Variants in CCDC81 observed in about 807,000 individuals in gnomAD.
CCDC81 encodes coiled-coil domain containing 81.
Under a neutral mutation model 83.7 loss-of-function variants are expected in CCDC81, and 79 were observed. The observed-to-expected ratio is 0.94, with a 90% CI of 0.79 to 1.14. The LOEUF (loss-of-function observed/expected upper bound fraction) is 1.14, where lower values mean the gene tolerates loss of function less well. Among genes scored for constraint, CCDC81 ranks in the 50% most tolerant of loss-of-function variants. The pLI is 0.00. For missense variants in CCDC81, 791 were observed against 778.1 expected (o/e 1.02, Z -0.20); for synonymous variants, 252 against 278.1 (o/e 0.91, Z 0.93).
At position 86,374,945 on chromosome 11, in the gene CCDC81, A is replaced by C. The variant is rs1393961194; in HGVS notation, c.-219A>C. ...GCTGTGGGAGCTGCCCGAGAGCCAGAGCAGTGGGGAGGGACGGCGAGAACC... is the reference window on the plus strand; with the variant it reads ...GCTGTGGGAGCTGCCCGAGAGCCAGCGCAGTGGGGAGGGACGGCGAGAACC... On this transcript the variant is annotated 5_prime_UTR_variant, in exon 1 of 15. Coordinates refer to ENST00000445632, the MANE Select transcript of CCDC81 (RefSeq NM_001156474.2). 3 of 519,190 alleles carry C rather than the reference A, an allele frequency of 5.8e-6. No individual in the cohort carries two copies. The East Asian group carries it at 1.1e-4, about 19-fold the overall frequency. 32.2% of individuals were successfully genotyped at this position (519,190 alleles called of 1,614,324 possible). A position where few individuals can be genotyped will look rare whatever the true frequency, so the allele number is the denominator to read the frequency against.
rs149594464 is a variant in CCDC81, at chr11:86,381,467, C to T, written c.80-4584C>T. ...AACCTTAAAATATGTGGGGACCCTC[C>T]CTCCATGACTGGGTTCCCCTGGAGG... is the stretch of plus-strand genomic sequence containing the variant. On this transcript the variant is annotated intron_variant, in intron 1 of 14. Transcript: ENST00000445632. Among the ~76,000 whole-genome samples, 811 of 152,222 alleles carry T rather than the reference C, an allele frequency of 5.3e-3. 12 individuals carry two copies. The highest frequency in any genetic ancestry group is 0.017 in the Middle Eastern group (5 of 294).
intron 13 of CCDC81, 183 bp from the exon 14 acceptor site, chr11:86,419,745 C>A: frequency 2.1e-6 from 1 of 473,416 alleles, no homozygotes. Flanking sequence ...ACCTTTGATC[C>A]ATAAATTATT....
In CCDC81 at chr11:86,387,530, A is replaced by C. The variant is rs1948259972; in HGVS notation, c.156A>C (p.Pro52=). ...TTTCCTTTCAGGGGGTTCAGATTCCAGCATTTGGAACTTTCACTTTCATAA... is the reference window on the plus strand; with the variant it reads ...TTTCCTTTCAGGGGGTTCAGATTCCCGCATTTGGAACTTTCACTTTCATAA... ...QLTLHKGVQI[P]AFGTFTFIRQ... Residue 52 remains proline, a synonymous_variant, in exon 3 of 15, where the codon CCA becomes CCC. Coordinates refer to ENST00000445632, the MANE Select transcript of CCDC81 (RefSeq NM_001156474.2). 5 of 1,613,984 alleles carry C rather than the reference A, an allele frequency of 3.1e-6. No homozygotes were observed. In the East Asian group the frequency reaches 1.1e-4, roughly 36 times the overall value.
At chr11:86,405,194 A>G (rs1055395530) in intron 7 of CCDC81, among the ~76,000 whole-genome samples, 13 of 152,306 alleles carry the variant, frequency 8.5e-5, no homozygotes, top group African/African-American at 3.1e-4. Context: ...GCAATATTAA[A>G]TTCTACATGT....
intron 2 of CCDC81, among the ~76,000 whole-genome samples, chr11:86,386,397 A>G (rs554760712): frequency 2.6e-5 from 4 of 152,174 alleles, no homozygotes; most frequent in South Asian, 4.1e-4. Context: ...GGGTGTGTGT[A>G]AGGAAACTAG....
At chr11:86,384,865 T>C (rs965793865) in intron 1 of CCDC81, among the ~76,000 whole-genome samples, 8 of 152,242 alleles carry the variant, frequency 5.3e-5, no homozygotes, top group African/African-American at 1.9e-4. Context: ...GATATAATTT[T>C]CTAGACTTTG....
chr11:86,403,707 C>T (rs1394238354), intron 7 of CCDC81, among the ~76,000 whole-genome samples: 1 of 152,182 alleles, frequency 6.6e-6, no homozygotes, highest in African/African-American at 2.4e-5. Flanking sequence ...GCTCTATTTC[C>T]TCACTTCCAC....
rs1240177257 is a variant in CCDC81 at position 86,419,931 on chromosome 11, C to T, written c.1695C>T (p.His565=). 2 of 1,611,430 alleles carry T rather than the reference C, an allele frequency of 1.2e-6. No individual in the cohort carries two copies. Among genetic ancestry groups the T allele is most frequent in the Non-Finnish European group, 8.5e-7 (1 of 1,178,956 alleles). ...CAGGCTGTTCTTTTCTCTCCAGGCA[C>T]TTGGCAGACAGAACCGCTGAGCTGG... ...LQMLQRTQRE[H]LADRTAELER... The change falls in exon 14 of 15, where the codon CAC becomes CAT. Residue 565 remains histidine, a synonymous_variant. Transcript: ENST00000445632.
At chr11:86,417,166 C>G (rs1178759124) in intron 13 of CCDC81, among the ~76,000 whole-genome samples, 2 of 149,638 alleles carry the variant, frequency 1.3e-5, no homozygotes, top group African/African-American at 4.9e-5. Flanking sequence ...ATGCTTGAAC[C>G]TGGGAGGCAG....
intron 1 of CCDC81, among the ~76,000 whole-genome samples, chr11:86,385,166 T>C (rs951742045): frequency 1.3e-5 from 2 of 152,206 alleles, no homozygotes; most frequent in African/African-American, 4.8e-5. Context: ...GGCGGGTGGA[T>C]CACCTGAGGT....
intron 3 of CCDC81, among the ~76,000 whole-genome samples, chr11:86,391,626 G>A (rs1474496458): frequency 6.6e-6 from 1 of 152,148 alleles, no homozygotes. Flanking sequence ...TGATACCCTT[G>A]TATAAGACCC....
chr11:86,384,249 T>G (rs1948210813), intron 1 of CCDC81, among the ~76,000 whole-genome samples: 1 of 152,190 alleles, frequency 6.6e-6, no homozygotes, highest in Admixed American at 6.5e-5. Context: ...AAAGTTTTAA[T>G]TCAGTATACA....
At chr11:86,416,291 C>T (rs1156423080) in intron 13 of CCDC81, among the ~76,000 whole-genome samples, 1 of 152,106 alleles carries the variant, frequency 6.6e-6, no homozygotes, top group African/African-American at 2.4e-5. Flanking sequence ...AATTTATTCC[C>T]TTAGGTAAGC....
chr11:86,401,713 A>T (rs74633923), intron 7 of CCDC81, among the ~76,000 whole-genome samples: 2 of 150,214 alleles, frequency 1.3e-5, no homozygotes, highest in African/African-American at 2.4e-5. Flanking sequence ...GACTGAAATT[A>T]AAAAAAAAAT....
At chr11:86,388,156 G>A (rs1015530621) in intron 3 of CCDC81, among the ~76,000 whole-genome samples, 4 of 151,618 alleles carry the variant, frequency 2.6e-5, no homozygotes, top group Admixed American at 6.6e-5. Flanking sequence ...TATACCTTTC[G>A]CATACCCTAA....
chr11:86,385,227 A>G (rs1405597381), intron 1 of CCDC81, among the ~76,000 whole-genome samples: 2 of 152,158 alleles, frequency 1.3e-5, no homozygotes, highest in Non-Finnish European at 2.9e-5. Flanking sequence ...GTCTCTACTA[A>G]AAGTACAATT....
chr11:86,421,990 A>C (rs1948797937), intron 14 of CCDC81, among the ~76,000 whole-genome samples: 1 of 151,944 alleles, frequency 6.6e-6, no homozygotes, highest in South Asian at 2.1e-4. Flanking sequence ...TGCGTAACGA[A>C]GAAAAACCAT....
chr11:86,375,353 T>A, intron 1 of CCDC81, 111 bp downstream of exon 1: 2 of 836,142 alleles, frequency 2.4e-6, no homozygotes, highest in Non-Finnish European at 3.7e-6. Context: ...TGGCCTGCCG[T>A]GGCTAAGTTG....
chr11:86,375,938 A>G (rs887381714), intron 1 of CCDC81, among the ~76,000 whole-genome samples: 2 of 152,226 alleles, frequency 1.3e-5, no homozygotes, highest in Non-Finnish European at 2.9e-5. Context: ...CAGAAAACAA[A>G]TAGGAATGGC....
Sources: allele counts gnomAD v4.1 joint callset (sites outside exome capture counted in the v4.1 genomes callset), GRCh38; gene constraint gnomAD v4.1.1; transcripts MANE v1.5; gene names NCBI Gene and HGNC (gene_info 2026-07-23, HGNC 2026-07-21).